GSK3B: variants seen among roughly 807,000 people sequenced by gnomAD.
GSK3B encodes the protein glycogen synthase kinase 3 beta, also known as glycogen synthase kinase-3 beta.
GSK3B carries 15 observed loss-of-function variants against 56.4 expected under a neutral mutation model. The ratio of observed to expected loss-of-function variants is 0.27; its 90% confidence interval spans 0.18 to 0.41. The LOEUF (loss-of-function observed/expected upper bound fraction) is 0.41, where lower values mean the gene tolerates loss of function less well. GSK3B is among the 10% of genes least tolerant of loss of function. GSK3B has a pLI of 1.00. For missense variants in GSK3B, 300 were observed against 513.4 expected (o/e 0.58, Z 4.02); for synonymous variants, 181 against 188.9 (o/e 0.96, Z 0.34).
chr3:119,837,208 G>A (rs2055704266), intron 10 of GSK3B, among the ~76,000 whole-genome samples: 2 of 152,174 alleles, frequency 1.3e-5, no homozygotes, highest in Admixed American at 6.5e-5. Flanking sequence ...ATGCTGGAGT[G>A]CAGTGGCGTG....
chr3:120,001,548 T>C (rs964218688), intron 2 of GSK3B, among the ~76,000 whole-genome samples: 9 of 152,212 alleles, frequency 5.9e-5, no homozygotes, highest in African/African-American at 1.4e-4. Flanking sequence ...GTTTGCAGAA[T>C]TGTGAGCCAA....
chr3:119,908,775 G>A (rs1385764581), intron 6 of GSK3B, among the ~76,000 whole-genome samples: 1 of 152,102 alleles, frequency 6.6e-6, no homozygotes, highest in African/African-American at 2.4e-5. Flanking sequence ...TGTCCCAGAG[G>A]GCAAAACTCT....
intron 6 of GSK3B, among the ~76,000 whole-genome samples, chr3:119,910,476 C>CT (rs1292536053): frequency 2.6e-5 from 4 of 151,422 alleles, no homozygotes; most frequent in African/African-American, 7.4e-5. Flanking sequence ...CACTTTATTA[C>CT]TAAAAAAAAA....
chr3:120,061,941 A>G (rs888843884), intron 1 of GSK3B, among the ~76,000 whole-genome samples: 1 of 151,782 alleles, frequency 6.6e-6, no homozygotes, highest in Non-Finnish European at 1.5e-5. Flanking sequence ...CATGTTGGTC[A>G]CGGTGGTCTC....
rs568283203 is a variant in GSK3B, at chr3:119,868,476, C to T, written c.910-4871G>A. The stretch of plus-strand genomic sequence containing the variant: ...TAGACTTTGTCCTTCAAATTTCAAC[C>T]TGGAGCTAAGTGTTGTGACTGAATC... On this transcript the variant is annotated intron_variant, in intron 8 of 10. Coordinates refer to ENST00000264235, the MANE Select transcript of GSK3B (RefSeq NM_001146156.2). Among the ~76,000 whole-genome samples, 32 of 152,292 alleles carry T rather than the reference C, an allele frequency of 2.1e-4. 1 individual carries two copies. Among genetic ancestry groups the T allele is most frequent in the Middle Eastern group, 6.8e-3 (2 of 294 alleles).
At chr3:120,049,805 C>G (rs2058133014) in intron 1 of GSK3B, among the ~76,000 whole-genome samples, 1 of 152,140 alleles carries the variant, frequency 6.6e-6, no homozygotes. Flanking sequence ...CGACAGTAAA[C>G]ATTTCGGGCT....
At chr3:119,997,238 A>C (rs2057628128) in intron 2 of GSK3B, among the ~76,000 whole-genome samples, 1 of 152,228 alleles carries the variant, frequency 6.6e-6, no homozygotes, top group Admixed American at 6.5e-5. Context: ...AAGATGCCCA[A>C]GTTCAAAACC....
At position 120,093,982 on chromosome 3, in the gene GSK3B, C is replaced by A; in HGVS notation, c.-548G>T. The A allele has an allele frequency of 4.7e-6, 1 of 212,690 alleles. No homozygotes were observed. Among genetic ancestry groups the A allele is most frequent in the Non-Finnish European group, 9.6e-6 (1 of 103,886 alleles). 13.2% of individuals were successfully genotyped at this position (212,690 alleles called of 1,614,324 possible). On this transcript the variant is annotated 5_prime_UTR_variant, in exon 1 of 11. Coordinates refer to ENST00000264235, the MANE Select transcript of GSK3B (RefSeq NM_001146156.2). ...CCGGCAAGCCGCGGGATCCGGCGGGCTGACGGCAGGGGCCCGGCGAACTAG... is the reference window on the plus strand; with the variant it reads ...CCGGCAAGCCGCGGGATCCGGCGGGATGACGGCAGGGGCCCGGCGAACTAG...
chr3:119,879,562 A>T (rs62264713), intron 7 of GSK3B, among the ~76,000 whole-genome samples: 16,571 of 151,944 alleles, frequency 0.11, 1,186 homozygotes, highest in East Asian at 0.34. Context: ...GAGTATAGTC[A>T]CCCTGTTGTG....
At chr3:120,046,986 C>T (rs574670915) in intron 1 of GSK3B, among the ~76,000 whole-genome samples, 49 of 152,120 alleles carry the variant, frequency 3.2e-4, no homozygotes, top group Non-Finnish European at 5.7e-4. Context: ...AATGAGAGAG[C>T]TAAATTTGAC....
chr3:120,091,045 T>C (rs1414815236), intron 1 of GSK3B, among the ~76,000 whole-genome samples: 3 of 152,166 alleles, frequency 2.0e-5, no homozygotes, highest in Non-Finnish European at 4.4e-5. Context: ...ATACACCTTG[T>C]CCGCAGGAAG....
chr3:119,951,348 G>A (rs900965103), intron 2 of GSK3B, among the ~76,000 whole-genome samples: 1 of 152,358 alleles, frequency 6.6e-6, no homozygotes, highest in African/African-American at 2.4e-5. Flanking sequence ...CAGGCGGGCA[G>A]ATCACCTGAG....
At chr3:119,841,187 G>A (rs144634507) in intron 10 of GSK3B, among the ~76,000 whole-genome samples, 3 of 152,190 alleles carry the variant, frequency 2.0e-5, no homozygotes, top group African/African-American at 7.2e-5. Flanking sequence ...GATTTCTATA[G>A]CTGTAAAAAT....
intron 10 of GSK3B, among the ~76,000 whole-genome samples, chr3:119,835,210 G>A (rs1267088297): frequency 6.6e-6 from 1 of 152,178 alleles, no homozygotes; most frequent in East Asian, 1.9e-4. Flanking sequence ...TGGGGCAATG[G>A]GGAAATAGAA....
rs1237295407 is a variant in GSK3B, at chr3:119,824,392, C to T, written c.*2396G>A. 4.6e-6 allele frequency: 1 copy of T among 219,614 alleles called. No homozygotes were observed. The highest frequency in any genetic ancestry group is 9.1e-6 in the Non-Finnish European group (1 of 109,482). 13.6% of individuals were successfully genotyped at this position (219,614 alleles called of 1,614,324 possible). ...ACAATGAAATGAGAGAAAAGCGTGA[C>T]TTTTCTCTCTTCTTTTACCCCAGTT... is the stretch of plus-strand genomic sequence containing the variant. On this transcript the variant is annotated 3_prime_UTR_variant, in exon 11 of 11. Transcript: ENST00000264235.
intron 1 of GSK3B, among the ~76,000 whole-genome samples, chr3:120,026,932 G>A (rs545438234): frequency 2.0e-5 from 3 of 151,936 alleles, no homozygotes; most frequent in African/African-American, 7.2e-5. Flanking sequence ...TTAGCCAGGC[G>A]TGGTGTCATG....
intron 1 of GSK3B, among the ~76,000 whole-genome samples, chr3:120,065,585 T>C (rs1391120387): frequency 6.6e-6 from 1 of 152,066 alleles, no homozygotes; most frequent in Non-Finnish European, 1.5e-5. Flanking sequence ...AGAAACACCA[T>C]ATGACCCTGC....
chr3:119,858,873 C>T (rs998311112), intron 9 of GSK3B, among the ~76,000 whole-genome samples: 8 of 151,952 alleles, frequency 5.3e-5, no homozygotes, highest in Admixed American at 2.0e-4. Flanking sequence ...ATAGGAAGAT[C>T]CAAGAAGAGG....
chr3:119,868,405 T>A (rs1222355292), intron 8 of GSK3B, among the ~76,000 whole-genome samples: 1 of 152,194 alleles, frequency 6.6e-6, no homozygotes, highest in Non-Finnish European at 1.5e-5. Flanking sequence ...TGCATTTGGG[T>A]AACTAAAAAA....
Sources: gnomAD v4.1 joint callset for allele counts (sites outside exome capture counted in the v4.1 genomes callset) on GRCh38, gnomAD v4.1.1 for gene constraint, MANE v1.5 for transcripts, NCBI Gene and HGNC (gene_info 2026-07-23, HGNC 2026-07-21) for gene names.